Variants in DLGAP4 observed in about 807,000 individuals in gnomAD.
DLGAP4 encodes disks large-associated protein 4.
Under a neutral mutation model 86.9 loss-of-function variants are expected in DLGAP4, and 18 were observed. That is an observed-to-expected ratio of 0.21 (90% CI 0.14 to 0.31). DLGAP4 has a LOEUF of 0.31. Among genes scored for constraint, DLGAP4 ranks in the 10% least tolerant of loss-of-function variants. DLGAP4 has a pLI of 1.00. For missense variants in DLGAP4, 1,085 were observed against 1,362.6 expected (o/e 0.80, Z 3.21); for synonymous variants, 548 against 574.3 (o/e 0.95, Z 0.65).
At position 36,468,484 on chromosome 20, in the gene DLGAP4, T is replaced by C. The variant is rs900461256; in HGVS notation, c.1648+21547T>C. ...GGGAGGCAGCAGTGGTTGGTCCCAG[T>C]GTACAGCCAGGAAATTGATGGCTTG... On this transcript the variant is annotated intron_variant, in intron 7 of 12. Transcript: ENST00000339266. 2.0e-5 allele frequency among the ~76,000 whole-genome samples: 3 copies of C among 152,352 alleles called. No homozygotes were observed. In the East Asian group the frequency reaches 5.8e-4, roughly 29 times the overall value.
At chr20:36,447,506 T>C (rs1260433228) in intron 7 of DLGAP4, among the ~76,000 whole-genome samples, 1 of 152,134 alleles carries the variant, frequency 6.6e-6, no homozygotes, top group Non-Finnish European at 1.5e-5. Context: ...CTGCAACCTC[T>C]GCCTCCCAGG....
At chr20:36,374,300 G>T (rs2031064913) in intron 2 of DLGAP4, among the ~76,000 whole-genome samples, 1 of 152,186 alleles carries the variant, frequency 6.6e-6, no homozygotes, top group Non-Finnish European at 1.5e-5. Context: ...TGCATATAGG[G>T]GCTGTGGGAA....
At chr20:36,388,182 C>T (rs2147459569) in intron 2 of DLGAP4, among the ~76,000 whole-genome samples, 1 of 152,314 alleles carries the variant, frequency 6.6e-6, no homozygotes, top group Non-Finnish European at 1.5e-5. Flanking sequence ...GGACAAGCCT[C>T]CCCGTCCCCA....
chr20:36,369,359 G>A (rs933026024), intron 2 of DLGAP4, among the ~76,000 whole-genome samples: 7 of 152,140 alleles, frequency 4.6e-5, no homozygotes, highest in African/African-American at 7.2e-5. Context: ...TTGGGAGGCC[G>A]AGGCAGGCGG....
intron 2 of DLGAP4, among the ~76,000 whole-genome samples, chr20:36,398,249 A>G (rs2032057261): frequency 6.6e-6 from 1 of 152,228 alleles, no homozygotes; most frequent in African/African-American, 2.4e-5. Context: ...GTCGGACCCA[A>G]GAGGAGATTC....
rs372078753 is a variant in DLGAP4, at chr20:36,432,626, C to A, written c.909C>A (p.His303Gln). The change falls in exon 3 of 13, where the codon CAC (histidine) becomes CAA (glutamine). Residue 303 changes from histidine (H) to glutamine (Q), a missense_variant. Physicochemically the swap from His to Gln is conservative, Grantham distance 24. This residue lies in a region of DLGAP4 where 1,082 missense variants were observed against 1,344.1 expected (regional missense o/e 0.81). Transcript: ENST00000339266. The surrounding 1 kb of genome is among the most constrained non-coding windows in gnomAD (Gnocchi z 6.5). ...SWSTLTLSHA[H>Q]EVCQKTSATL... is the part of the protein sequence containing the mutation. The stretch of plus-strand genomic sequence containing the variant: ...CCACTCTGACCCTCAGCCACGCCCA[C>A]GAGGTCTGCCAGAAGACCTCAGCCA... 1.8e-5 allele frequency: 29 copies of A among 1,612,408 alleles called. 1 individual carries two copies. The South Asian group carries it at 2.9e-4, about 16-fold the overall frequency.
chr20:36,429,634 T>G (rs2033077126), intron 2 of DLGAP4, among the ~76,000 whole-genome samples: 1 of 151,834 alleles, frequency 6.6e-6, no homozygotes, highest in African/African-American at 2.4e-5. Flanking sequence ...CTCAAACTCC[T>G]GATCTCAAGT....
At chr20:36,396,342 CA>C (rs1450170893) in intron 2 of DLGAP4, among the ~76,000 whole-genome samples, 10 of 110,060 alleles carry the variant, frequency 9.1e-5, no homozygotes, top group South Asian at 3.9e-4. Context: ...CACACGCACA[CA>C]CACACACACA....
chr20:36,414,623 G>C (rs1029367198), intron 2 of DLGAP4, among the ~76,000 whole-genome samples: 1 of 152,228 alleles, frequency 6.6e-6, no homozygotes, highest in African/African-American at 2.4e-5. Context: ...AGTTAGCAAA[G>C]TGGAGCGTGA....
At position 36,527,598 on chromosome 20, in the gene DLGAP4, G is replaced by T. The variant is rs960130532; in HGVS notation, c.*567G>T. ...CCAGAGGACAGAGAGATGGACATGCGTCCCCTCCCTCCCCCCGCCAAGTGC... is the reference window on the plus strand; with the variant it reads ...CCAGAGGACAGAGAGATGGACATGCTTCCCCTCCCTCCCCCCGCCAAGTGC... On this transcript the variant is annotated 3_prime_UTR_variant, in exon 13 of 13. Coordinates refer to ENST00000339266, the MANE Select transcript of DLGAP4 (RefSeq NM_001365621.2). 1 of 152,828 alleles carries T rather than the reference G, an allele frequency of 6.5e-6. No individual in the cohort carries two copies. The highest frequency in any genetic ancestry group is 2.4e-5 in the African/African-American group (1 of 41,420). 9.5% of individuals were successfully genotyped at this position (152,828 alleles called of 1,614,324 possible). A position where few individuals can be genotyped will look rare whatever the true frequency, so the allele number is the denominator to read the frequency against.
intron 8 of DLGAP4, chr20:36,497,585 C>T (rs1569519858): frequency 1.0e-6 from 1 of 988,016 alleles, no homozygotes; most frequent in African/African-American, 1.7e-5. Context: ...CCAGAGCCCT[C>T]TCGGGCCTTG....
chr20:36,317,444 C>CTTTTT (rs2065120198), intron 1 of DLGAP4, among the ~76,000 whole-genome samples: 1 of 128,804 alleles, frequency 7.8e-6, no homozygotes, highest in African/African-American at 3.0e-5. Context: ...TTCTTTTCTC[C>CTTTTT]TTTCTTTTCC....
chr20:36,419,967 G>A (rs1012319507), intron 2 of DLGAP4, among the ~76,000 whole-genome samples: 1 of 152,060 alleles, frequency 6.6e-6, no homozygotes, highest in African/African-American at 2.4e-5. Flanking sequence ...CATGGTGGAT[G>A]CAATATTCCC....
chr20:36,441,064 A>C (rs1377103011), intron 5 of DLGAP4, among the ~76,000 whole-genome samples: 1 of 151,976 alleles, frequency 6.6e-6, no homozygotes, highest in Non-Finnish European at 1.5e-5. Context: ...TCACACCTGA[A>C]CAGCCGTCCT....
chr20:36,400,684 G>A (rs1236899520), intron 2 of DLGAP4, among the ~76,000 whole-genome samples: 1 of 151,974 alleles, frequency 6.6e-6, no homozygotes, highest in African/African-American at 2.4e-5. Flanking sequence ...GAAGAGGCTT[G>A]CCTTTGTTCG....
chr20:36,339,519 C>T (rs1230189352), intron 1 of DLGAP4, among the ~76,000 whole-genome samples: 3 of 152,206 alleles, frequency 2.0e-5, no homozygotes, highest in Non-Finnish European at 4.4e-5. Context: ...TCCTGAGTAG[C>T]CAGGACTACA....
rs1034509611 is a variant in DLGAP4 at position 36,431,050 on chromosome 20, C to T, written c.-72-596C>T. Among the ~76,000 whole-genome samples, 4 of 152,044 alleles carry T rather than the reference C, an allele frequency of 2.6e-5. No homozygotes were observed. Among genetic ancestry groups the T allele is most frequent in the African/African-American group, 9.7e-5 (4 of 41,406 alleles). ...AGTTCAGGAGCCCTGGGGACATGCC[C>T]ACCAGCAGGCTGCATCCCCCCATAG... On this transcript the variant is annotated intron_variant, in intron 2 of 12. Coordinates refer to ENST00000339266, the MANE Select transcript of DLGAP4 (RefSeq NM_001365621.2). The surrounding 1 kb of genome is among the most constrained non-coding windows in gnomAD (Gnocchi z 5.1).
At chr20:36,323,100 C>T (rs545417866) in intron 1 of DLGAP4, among the ~76,000 whole-genome samples, 89 of 147,138 alleles carry the variant, frequency 6.0e-4, no homozygotes, top group Admixed American at 1.3e-3. Context: ...ATCGCTTGAG[C>T]CTGGGAGGTT....
chr20:36,441,932 G>A (rs1040249338), intron 5 of DLGAP4, among the ~76,000 whole-genome samples: 1 of 152,114 alleles, frequency 6.6e-6, no homozygotes, highest in Non-Finnish European at 1.5e-5. Flanking sequence ...GCTGGGGGCC[G>A]CAGCAGGTCT....
Sources: allele counts gnomAD v4.1 joint callset (sites outside exome capture counted in the v4.1 genomes callset), GRCh38; gene constraint gnomAD v4.1.1; regional missense constraint gnomAD v4.1.1; non-coding constraint Gnocchi (gnomAD v3.1); transcripts MANE v1.5; gene names NCBI Gene and HGNC (gene_info 2026-07-23, HGNC 2026-07-21).